Variants in PLCB4 observed in about 807,000 individuals in gnomAD.
PLCB4 encodes 1-phosphatidylinositol 4,5-bisphosphate phosphodiesterase beta-4.
In PLCB4, 77 loss-of-function variants were observed where a neutral mutation model predicts 178.8. That is an observed-to-expected ratio of 0.43 (90% CI 0.36 to 0.52). PLCB4 has a LOEUF of 0.52. Ranked by LOEUF, PLCB4 falls within the 20% of genes least tolerant of loss-of-function variation. The probability of loss-of-function intolerance (pLI) is 0.00; values close to 1 mark genes in which losing one functional copy is unlikely to be tolerated. For synonymous variants in PLCB4, 496 were observed against 490.8 expected (o/e 1.01, Z -0.14); for missense variants, 1,024 against 1,453.4 (o/e 0.70, Z 4.80).
At chr20:9,152,175 AACTG>A (rs1361979440) in intron 2 of PLCB4, among the ~76,000 whole-genome samples, 1 of 152,178 alleles carries the variant, frequency 6.6e-6, no homozygotes, top group Admixed American at 6.5e-5. Context: ...AAAATTTGCA[AACTG>A]ACTGTGACAG....
intron 25 of PLCB4, among the ~76,000 whole-genome samples, chr20:9,418,751 A>G (rs183492666): frequency 1.7e-3 from 259 of 152,280 alleles, no homozygotes; most frequent in Non-Finnish European, 1.0e-3. Flanking sequence ...TCACACATCA[A>G]TTTGAGAAAT....
chr20:9,118,546 T>A (rs1197801816), intron 2 of PLCB4, among the ~76,000 whole-genome samples: 1 of 152,036 alleles, frequency 6.6e-6, no homozygotes, highest in African/African-American at 2.4e-5. Context: ...AATTAAGTCT[T>A]CAAGATCTGG....
chr20:9,369,845 T>C (rs1225042459), intron 9 of PLCB4, among the ~76,000 whole-genome samples: 1 of 152,108 alleles, frequency 6.6e-6, no homozygotes, highest in Non-Finnish European at 1.5e-5. Context: ...ACGCTGGGCA[T>C]GAGATGCTGT....
chr20:9,181,068 A>G (rs2093238301), intron 2 of PLCB4, among the ~76,000 whole-genome samples: 1 of 152,156 alleles, frequency 6.6e-6, no homozygotes, highest in Non-Finnish European at 1.5e-5. Flanking sequence ...GACCTTAACC[A>G]AGCTTTGAAT....
In PLCB4 at chr20:9,238,164, A is replaced by G. The variant is rs1411471724; in HGVS notation, c.-16+20712A>G. Among the ~76,000 whole-genome samples, 3 of 152,168 alleles carry G rather than the reference A, an allele frequency of 2.0e-5. No individual in the cohort carries two copies. In the East Asian group the frequency reaches 5.8e-4, roughly 29 times the overall value. ...CTGGATTAGAATGGTGATTCTGAGA[A>G]GTATGGAGGTATGGCTGTTGTAGGA... On this transcript the variant is annotated intron_variant, in intron 3 of 39. Coordinates refer to ENST00000378473, the MANE Select transcript of PLCB4 (RefSeq NM_001377142.1).
chr20:9,357,287 C>T (rs1048058528), intron 7 of PLCB4, among the ~76,000 whole-genome samples: 4 of 152,192 alleles, frequency 2.6e-5, no homozygotes, highest in African/African-American at 9.7e-5. Context: ...TAGCATCTTG[C>T]ATCCTCTTGC....
intron 7 of PLCB4, among the ~76,000 whole-genome samples, 156 bp from the exon 8 acceptor site, chr20:9,362,740 G>A (rs944465249): frequency 3.3e-5 from 5 of 152,150 alleles, no homozygotes; most frequent in Admixed American, 2.0e-4. Context: ...AATAAAATAT[G>A]AGCCTGCAAA....
At chr20:9,478,859 G>A in intron 39 of PLCB4, 62 bp from the exon 40 acceptor site, 1 of 1,204,004 alleles carries the variant, frequency 8.3e-7, no homozygotes. Flanking sequence ...AGAGGCCAGG[G>A]TTGTTAAGTG....
At chr20:9,373,822 A>C (rs894977467) in intron 12 of PLCB4, among the ~76,000 whole-genome samples, 2 of 152,224 alleles carry the variant, frequency 1.3e-5, no homozygotes, top group Non-Finnish European at 2.9e-5. Context: ...AACTAAAATG[A>C]ACTACTTTTT....
At chr20:9,476,151 A>G (rs1395204651) in intron 38 of PLCB4, among the ~76,000 whole-genome samples, 1 of 152,206 alleles carries the variant, frequency 6.6e-6, no homozygotes, top group African/African-American at 2.4e-5. Flanking sequence ...GAAACAAACC[A>G]GGCGTCAGTA....
chr20:9,191,220 G>A (rs907404038), intron 2 of PLCB4, among the ~76,000 whole-genome samples: 15 of 151,974 alleles, frequency 9.9e-5, no homozygotes, highest in Admixed American at 3.9e-4. Flanking sequence ...GTGTGTCTCC[G>A]TCCAAAATTC....
intron 2 of PLCB4, among the ~76,000 whole-genome samples, chr20:9,115,550 G>C (rs990137792): frequency 2.7e-5 from 4 of 149,180 alleles, no homozygotes; most frequent in Non-Finnish European, 5.9e-5. Context: ...TTAACATTAG[G>C]TATATCTCCT....
At position 9,295,711 on chromosome 20, in the gene PLCB4, G is replaced by T. The variant is rs2094626053; in HGVS notation, c.-15-12089G>T. 2.6e-5 allele frequency among the ~76,000 whole-genome samples: 4 copies of T among 152,256 alleles called. No homozygotes were observed. The South Asian group carries it at 8.3e-4, about 32-fold the overall frequency. ...CCCATTTCTTGTTTTTGTCAGGTTT[G>T]TCAAGGATCAGATGGTTGTAGATAT... On this transcript the variant is annotated intron_variant, in intron 3 of 39. Coordinates refer to ENST00000378473, the MANE Select transcript of PLCB4 (RefSeq NM_001377142.1).
chr20:9,216,257 A>G (rs1394186690), intron 2 of PLCB4, among the ~76,000 whole-genome samples: 1 of 151,524 alleles, frequency 6.6e-6, no homozygotes, highest in Admixed American at 6.6e-5. Context: ...TCTCTCTGTC[A>G]CCCAGGCTGG....
intron 2 of PLCB4, among the ~76,000 whole-genome samples, chr20:9,120,591 A>G (rs2146747319): frequency 6.6e-6 from 1 of 152,200 alleles, no homozygotes; most frequent in Admixed American, 6.5e-5. Context: ...GTCTGGGTCA[A>G]TACTACTTCT....
intron 35 of PLCB4, among the ~76,000 whole-genome samples, chr20:9,467,875 A>G (rs972156525): frequency 6.6e-6 from 1 of 152,140 alleles, no homozygotes; most frequent in Non-Finnish European, 1.5e-5. Flanking sequence ...AATTTTTGTA[A>G]TAATATACTA....
intron 35 of PLCB4, among the ~76,000 whole-genome samples, chr20:9,465,123 T>C (rs2043677409): frequency 6.6e-6 from 1 of 152,238 alleles, no homozygotes; most frequent in South Asian, 2.1e-4. Flanking sequence ...GATGCAAGTC[T>C]GGTTCAACAT....
At position 9,372,410 on chromosome 20, in the gene PLCB4, T is replaced by G. The variant is rs748845982; in HGVS notation, c.686+7T>G. On this transcript the variant is annotated splice_region_variant and intron_variant, in intron 11 of 39. Transcript: ENST00000378473. ...AAGATCTTTTCAAAAAAATGTAAGT[T>G]CCACTTATGAGGAAGTGCCATATAA... 1 of 1,410,124 alleles carries G rather than the reference T, an allele frequency of 7.1e-7. No individual in the cohort carries two copies. Among genetic ancestry groups the G allele is most frequent in the South Asian group, 1.2e-5 (1 of 84,102 alleles). The allele number at this position is 1,410,124 out of a possible 1,614,324, so 87.4% of individuals were successfully genotyped here.
chr20:9,433,606 C>T (rs1388870278), intron 28 of PLCB4, among the ~76,000 whole-genome samples: 1 of 152,124 alleles, frequency 6.6e-6, no homozygotes, highest in Non-Finnish European at 1.5e-5. Flanking sequence ...GGAAATGTGG[C>T]AAACAAATGT....
Sources: allele counts gnomAD v4.1 joint callset (sites outside exome capture counted in the v4.1 genomes callset), GRCh38; gene constraint gnomAD v4.1.1; transcripts MANE v1.5; gene names NCBI Gene and HGNC (gene_info 2026-07-23, HGNC 2026-07-21).